Variants in ABCA4 observed in about 807,000 individuals in gnomAD.
ABCA4 encodes the protein ATP binding cassette subfamily A member 4.
A neutral mutation model predicts 263.7 loss-of-function variants in ABCA4; 196 were observed. The ratio of observed to expected loss-of-function variants is 0.74; its 90% CI spans 0.66 to 0.84. The LOEUF (loss-of-function observed/expected upper bound fraction) is 0.84. Ranked by LOEUF, ABCA4 falls within the 40% of genes least tolerant of loss-of-function variation. The probability of loss-of-function intolerance (pLI) is 0.00; values close to 1 mark genes in which losing one functional copy is unlikely to be tolerated. For synonymous variants in ABCA4, 1,133 were observed against 1,094.2 expected, an observed-to-expected ratio of 1.04 and a Z score of -0.70; for missense variants, 2,792 against 2,855.1, an observed-to-expected ratio of 0.98 and a Z score of 0.50.
intron 6 of ABCA4, among the ~76,000 whole-genome samples, chr1:94,087,894 C>G (rs539560935): frequency 3.2e-4 from 48 of 152,310 alleles, no homozygotes; most frequent in Middle Eastern, 6.8e-3. Flanking sequence ...AAGAGTCTCC[C>G]TGAGGCTTCG....
chr1:94,017,711 G>A (rs776395192), intron 36 of ABCA4, among the ~76,000 whole-genome samples: 7 of 152,208 alleles, frequency 4.6e-5, no homozygotes, highest in Non-Finnish European at 7.4e-5. Context: ...TACATCGGAC[G>A]TGCTGAGGGG....
Position 93,997,899 on chromosome 1 carries a change from T to C in ABCA4, c.6691A>G (p.Ile2231Val), listed in dbSNP as rs1659052861. 2 of 1,613,946 alleles carry C rather than the reference T, an allele frequency of 1.2e-6. No individual in the cohort carries two copies. The highest frequency in any genetic ancestry group is 1.7e-5 in the Admixed American group (1 of 59,990). ...GTCTGTGTGACTGAGTACTCCTCGATGAGCAGGCTGTCCTTGTGGGAGAGG... is the reference window on the plus strand; with the variant it reads ...GTCTGTGTGACTGAGTACTCCTCGACGAGCAGGCTGTCCTTGTGGGAGAGG... ...LLLSHKDSLL[I>V]EEYSVTQTTL... Residue 2231 changes from isoleucine to valine, a missense_variant, in exon 48 of 50, where the codon ATC (isoleucine) becomes GTC (valine). Physicochemically the swap from Ile to Val is conservative, Grantham distance 29. Coordinates refer to ENST00000370225, the MANE Select transcript of ABCA4 (RefSeq NM_000350.3).
chr1:94,045,691 G>A (rs1660651401), intron 19 of ABCA4: 1 of 451,380 alleles, frequency 2.2e-6, no homozygotes, highest in Non-Finnish European at 4.5e-6. Flanking sequence ...CGAAATCTCC[G>A]CGATCAACCA....
intron 11 of ABCA4, among the ~76,000 whole-genome samples, chr1:94,075,455 G>A (rs1469437594): frequency 6.6e-6 from 1 of 152,204 alleles, no homozygotes; most frequent in Admixed American, 6.5e-5. Flanking sequence ...CTGCTGTCAT[G>A]ACTGGCACCT....
intron 38 of ABCA4, 109 bp downstream of exon 38, chr1:94,014,434 A>C: frequency 7.8e-7 from 1 of 1,284,992 alleles, no homozygotes. Context: ...AGTGGCACTC[A>C]TCCGCATACA....
At chr1:94,012,850 G>T (rs1659588923) in intron 38 of ABCA4, among the ~76,000 whole-genome samples, 1 of 150,110 alleles carries the variant, frequency 6.7e-6, no homozygotes, top group Non-Finnish European at 1.5e-5. Context: ...GGCCACGCTT[G>T]TTTATATCAG....
chr1:94,028,555 C>T (rs1175308020), intron 30 of ABCA4, among the ~76,000 whole-genome samples: 1 of 152,162 alleles, frequency 6.6e-6, no homozygotes, highest in Non-Finnish European at 1.5e-5. Context: ...CATAGCATTG[C>T]TTATAATGGT....
intron 19 of ABCA4, chr1:94,046,024 G>A: frequency 2.2e-6 from 1 of 447,972 alleles, no homozygotes; most frequent in Non-Finnish European, 4.5e-6. Context: ...GTTACCAGGC[G>A]GTTACTCCAC....
At chr1:94,002,132 C>G (rs1659207703) in intron 44 of ABCA4, 140 bp from the exon 45 acceptor site, 2 of 1,328,970 alleles carry the variant, frequency 1.5e-6, no homozygotes, top group South Asian at 1.2e-5. Context: ...CTGCTGGCTC[C>G]TGTCCTCTGG....
chr1:94,023,546 T>C (rs1013418938), intron 31 of ABCA4, 128 bp from the exon 32 acceptor site: 3 of 829,620 alleles, frequency 3.6e-6, no homozygotes, highest in African/African-American at 3.4e-5. Context: ...TTTTCCGATA[T>C]CCAAGCAATG....
intron 16 of ABCA4, among the ~76,000 whole-genome samples, chr1:94,052,228 T>TA (rs1206760557): frequency 6.6e-6 from 1 of 152,174 alleles, no homozygotes; most frequent in African/African-American, 2.4e-5. Context: ...CCAACACAGG[T>TA]AATCCAGTTC....
rs775204417 is a variant in ABCA4 at position 94,001,883 on chromosome 1, A to G, written c.6257T>C (p.Ile2086Thr). The G allele has an allele frequency of 6.2e-7, 1 of 1,614,212 alleles. No individual in the cohort carries two copies. Among genetic ancestry groups the G allele is most frequent in the Non-Finnish European group, 8.5e-7 (1 of 1,180,028 alleles). Reference protein sequence around the residue: ...KRKLSTAIALIGCPPLVLLDE... With the variant: ...KRKLSTAIALTGCPPLVLLDE... ...CAGCAGCACCAGCGGTGGGCAGCCAATGAGTGCGATGGCTGTGGAGAGTTT... is the reference window on the plus strand; with the variant it reads ...CAGCAGCACCAGCGGTGGGCAGCCAGTGAGTGCGATGGCTGTGGAGAGTTT... The change falls in exon 45 of 50, where the codon ATT becomes ACT. Residue 2086 changes from isoleucine to threonine, a missense_variant. Coordinates refer to ENST00000370225, the MANE Select transcript of ABCA4 (RefSeq NM_000350.3).
chr1:94,032,046 G>A lies in ABCA4; in HGVS notation c.3863-3C>T. The A allele has an allele frequency of 6.2e-7, 1 of 1,609,408 alleles. No individual in the cohort carries two copies. Among genetic ancestry groups the A allele is most frequent in the East Asian group, 2.2e-5 (1 of 44,886 alleles). On this transcript the variant is annotated splice_polypyrimidine_tract_variant and splice_region_variant and intron_variant, in intron 26 of 49. Coordinates refer to ENST00000370225, the MANE Select transcript of ABCA4 (RefSeq NM_000350.3). ...TTCTCTTTTCTGCTGAGCGCCACCT[G>A]TTTTGAGAGATTGAATTAATAATTT...
rs766811018 is a variant in ABCA4 at position 94,007,673 on chromosome 1, G to A, written c.5966C>T (p.Thr1989Ile). The A allele has an allele frequency of 3.7e-5, 59 of 1,614,088 alleles. No individual in the cohort carries two copies. The highest frequency in any genetic ancestry group is 1.6e-4 in the Middle Eastern group (1 of 6,062). The change falls in exon 43 of 50, where the codon ACC becomes ATC. Residue 1989 changes from threonine (T) to isoleucine (I), a missense_variant. Physicochemically the swap from Thr to Ile is moderately conservative, Grantham distance 89. Transcript: ENST00000370225. ...TTTFKMLTGD[T>I]TVTSGDATVA... is the part of the protein sequence containing the mutation. ...GGTGGCATCCCCTGAGGTCACTGTG[G>A]TGTCCCCAGTGAGCATCTTGAATGT...
At chr1:94,105,914 G>A (rs79123051) in intron 4 of ABCA4, among the ~76,000 whole-genome samples, 2,490 of 152,106 alleles carry the variant, frequency 0.016, 80 homozygotes, top group African/African-American at 0.056. Context: ...ACCCCCACCC[G>A]CTCGCTTTCA....
chr1:94,025,660 A>C, intron 30 of ABCA4: 1 of 162,012 alleles, frequency 6.2e-6, no homozygotes. Context: ...CTACCTGTAG[A>C]CCCTCTCATG....
chr1:94,068,368 C>G (rs924976575), intron 11 of ABCA4, among the ~76,000 whole-genome samples: 1 of 152,188 alleles, frequency 6.6e-6, no homozygotes, highest in Non-Finnish European at 1.5e-5. Flanking sequence ...ATCAGAAGTT[C>G]CTGGGTCACC....
At chr1:94,046,725 G>A (rs567472242) in intron 19 of ABCA4, among the ~76,000 whole-genome samples, 194 bp downstream of exon 19, 12 of 152,288 alleles carry the variant, frequency 7.9e-5, no homozygotes, top group South Asian at 2.1e-4. Flanking sequence ...GGCAATAAAC[G>A]TATTCTACCT....
chr1:94,094,489 A>T (rs1320651101), intron 6 of ABCA4, among the ~76,000 whole-genome samples: 1 of 152,162 alleles, frequency 6.6e-6, no homozygotes, highest in Non-Finnish European at 1.5e-5. Context: ...AAGAAAGCTG[A>T]ATCATGCCAC....
Sources: allele counts gnomAD v4.1 joint callset (sites outside exome capture counted in the v4.1 genomes callset), GRCh38; gene constraint gnomAD v4.1.1; transcripts MANE v1.5; gene names NCBI Gene and HGNC (gene_info 2026-07-23, HGNC 2026-07-21).